The following CPLANE1 variants were observed in gnomAD, a reference collection of about 807,000 sequenced individuals.
CPLANE1 encodes the protein ciliogenesis and planar polarity effector 1.
Under a neutral mutation model 362.5 loss-of-function variants are expected in CPLANE1, and 263 were observed. The ratio of observed to expected loss-of-function variants is 0.73; its 90% CI spans 0.66 to 0.80. CPLANE1 has a LOEUF of 0.80. CPLANE1 is among the 30% of genes least tolerant of loss of function. The pLI, the probability that CPLANE1 is intolerant of heterozygous loss-of-function variation, is 0.00. For synonymous variants in CPLANE1, 1,212 were observed against 1,302.6 expected (o/e 0.93, Z 1.50); for missense variants, 3,461 against 3,793.4 (o/e 0.91, Z 2.30).
intron 8 of CPLANE1, among the ~76,000 whole-genome samples, chr5:37,235,513 C>T (rs976886221): frequency 2.7e-5 from 4 of 149,958 alleles, no homozygotes; most frequent in African/African-American, 4.9e-5. Context: ...TCCTAAAACT[C>T]GTATGGAACC....
intron 16 of CPLANE1, chr5:37,211,908 G>C (rs571860209): frequency 1.3e-6 from 1 of 791,244 alleles, no homozygotes; most frequent in African/African-American, 1.7e-5. Context: ...TCCTGCCGGG[G>C]ATATGCTTCA....
In CPLANE1 at chr5:37,201,735, G is replaced by A. The variant is rs551925061; in HGVS notation, c.3363C>T (p.Ala1121=). The A allele has an allele frequency of 3.8e-5, 62 of 1,613,874 alleles. 1 individual carries two copies. Among genetic ancestry groups the A allele is most frequent in the Non-Finnish European group, 4.8e-5 (57 of 1,179,846 alleles). ...ATGTCTCCGAAAGAATATCTGCATCGGCCATAACTGATGCTTTCAGTACTT... is the reference window on the plus strand; with the variant it reads ...ATGTCTCCGAAAGAATATCTGCATCAGCCATAACTGATGCTTTCAGTACTT... ...VQEVLKASVM[A]DADILSETFQ... The change falls in exon 19 of 53, where the codon GCC becomes GCT. Residue 1121 remains alanine, a synonymous_variant. Transcript: ENST00000651892.
rs566190241 is a variant in CPLANE1, at chr5:37,201,717, C to T, written c.3381G>A (p.Ser1127=). ...AGTCTATCAGAAGTTGAAATGTCTC[C>T]GAAAGAATATCTGCATCGGCCATAA... ...ASVMADADIL[S]ETFQLLIDSA... Residue 1127 remains serine (S), a synonymous_variant, in exon 19 of 53, where the codon TCG becomes TCA. Coordinates refer to ENST00000651892, the MANE Select transcript of CPLANE1 (RefSeq NM_001384732.1). 1.2e-5 allele frequency: 20 copies of T among 1,614,010 alleles called. No homozygotes were observed. Among genetic ancestry groups the T allele is most frequent in the South Asian group, 1.1e-4 (10 of 91,080 alleles).
chr5:37,128,149 G>A (rs1257087681), intron 46 of CPLANE1, among the ~76,000 whole-genome samples: 1 of 152,046 alleles, frequency 6.6e-6, no homozygotes, highest in Non-Finnish European at 1.5e-5. Flanking sequence ...AATTTTTTTT[G>A]AGATTGGGTT....
intron 46 of CPLANE1, among the ~76,000 whole-genome samples, chr5:37,128,151 G>A (rs1289242388): frequency 3.9e-5 from 6 of 152,134 alleles, no homozygotes; most frequent in Non-Finnish European, 8.8e-5. Context: ...TTTTTTTTGA[G>A]ATTGGGTTAT....
Position 37,107,254 on chromosome 5 carries a change from A to C in CPLANE1, c.*348T>G. On this transcript the variant is annotated 3_prime_UTR_variant, in exon 53 of 53. Transcript: ENST00000651892. ...ATTCATCTGTATATGGTTGTTTCTC[A>C]AAACTCAGAGGGTAATAAAGGAGGA... 1 of 1,022,302 alleles carries C rather than the reference A, an allele frequency of 9.8e-7. No individual in the cohort carries two copies. The highest frequency in any genetic ancestry group is 1.2e-6 in the Non-Finnish European group (1 of 854,900). 63.3% of individuals were successfully genotyped at this position (1,022,302 alleles called of 1,614,324 possible).
chr5:37,078,446 G>T, the CPLANE1 span, among the ~76,000 whole-genome samples: 1 of 152,136 alleles, frequency 6.6e-6, no homozygotes, highest in Admixed American at 6.6e-5. Flanking sequence ...TATTTGTCCA[G>T]TCTATGATGG....
chr5:37,097,604 G>A, the CPLANE1 span, among the ~76,000 whole-genome samples: 5 of 152,330 alleles, frequency 3.3e-5, no homozygotes, highest in East Asian at 7.7e-4. Context: ...GCAGAGAGAA[G>A]TGCCTAGTCA....
At position 37,227,280 on chromosome 5, in the gene CPLANE1, G is replaced by A; in HGVS notation, c.1484C>T (p.Ala495Val). 1.9e-6 allele frequency: 3 copies of A among 1,551,946 alleles called. No homozygotes were observed. Among genetic ancestry groups the A allele is most frequent in the Non-Finnish European group, 2.6e-6 (3 of 1,146,986 alleles). Residue 495 changes from alanine to valine, a missense_variant, in exon 11 of 53, where the codon GCA becomes GTA. Coordinates refer to ENST00000651892, the MANE Select transcript of CPLANE1 (RefSeq NM_001384732.1). ...TGCATTTTCATTTATTGTTTCTTCT[G>A]CCTGCAAGAATTTGGGGACAGTGAA... ...ADFTVPKFLQ[A>V]EETINENAAD...
intron 48 of CPLANE1, 85 bp downstream of exon 48, chr5:37,122,345 T>G: frequency 9.6e-7 from 1 of 1,046,840 alleles, no homozygotes. Context: ...GAGACTATTG[T>G]GAAAACAGAA....
intron 21 of CPLANE1, among the ~76,000 whole-genome samples, chr5:37,190,283 C>T (rs1225562267): frequency 1.3e-5 from 2 of 151,736 alleles, no homozygotes; most frequent in African/African-American, 2.4e-5. Flanking sequence ...TTAAGATGGA[C>T]TTATAGGCCA....
At chr5:37,121,535 A>C (rs1762623867) in intron 49 of CPLANE1, 82 bp downstream of exon 49, 1 of 1,297,760 alleles carries the variant, frequency 7.7e-7, no homozygotes, top group African/African-American at 1.5e-5. Context: ...AAATGCACTG[A>C]ACTTAGGTCA....
downstream of CPLANE1, among the ~76,000 whole-genome samples, chr5:37,105,474 A>C (rs1280444109): frequency 1.3e-5 from 2 of 152,254 alleles, no homozygotes; most frequent in Non-Finnish European, 2.9e-5. Flanking sequence ...TGTCTATTGC[A>C]GAAGAATGAA....
intron 50 of CPLANE1, among the ~76,000 whole-genome samples, chr5:37,118,032 A>T (rs1761537523): frequency 6.6e-6 from 1 of 152,208 alleles, no homozygotes; most frequent in Non-Finnish European, 1.5e-5. Context: ...TTATATAAGC[A>T]TGTTTCACTA....
chr5:37,183,372 A>G lies in CPLANE1; in HGVS notation c.4809T>C (p.His1603=). The G allele has an allele frequency of 2.5e-6, 4 of 1,612,764 alleles. No homozygotes were observed. In the Middle Eastern group the frequency reaches 6.6e-4, roughly 267 times the overall value. ...LFDVHTTLKR[H]QSKTKSQNVF... ...CATTCTGGCTTTTAGTTTTGCTCTG[A>G]TGTCGTTTTAATGTTGTATGTACAT... The change falls in exon 26 of 53, where the codon CAT becomes CAC. Residue 1603 remains histidine (H), a synonymous_variant. Coordinates refer to ENST00000651892, the MANE Select transcript of CPLANE1 (RefSeq NM_001384732.1).
At chr5:37,181,039 T>C in intron 26 of CPLANE1, 34 bp from the exon 27 acceptor site, 2 of 1,548,240 alleles carry the variant, frequency 1.3e-6, no homozygotes, top group Non-Finnish European at 1.8e-6. Flanking sequence ...TTAGTATTTA[T>C]TGAACCCTTT....
intron 50 of CPLANE1, among the ~76,000 whole-genome samples, chr5:37,116,505 A>G (rs1416548347): frequency 6.7e-6 from 1 of 149,024 alleles, no homozygotes; most frequent in Non-Finnish European, 1.5e-5. Context: ...AAAAAAAAAA[A>G]AAAAAAAAAA....
At chr5:37,140,787 C>T (rs575998502) in intron 44 of CPLANE1, 2 of 985,338 alleles carry the variant, frequency 2.0e-6, no homozygotes, top group African/African-American at 3.5e-5. Flanking sequence ...GGATCACTAA[C>T]CCACGGCCAC....
chr5:37,211,273 A>G (rs1045995330), intron 16 of CPLANE1: 3 of 1,513,122 alleles, frequency 2.0e-6, no homozygotes, highest in Non-Finnish European at 2.7e-6. Flanking sequence ...AGGGTCAAAC[A>G]GCTTCAGCAA....
Sources: allele counts gnomAD v4.1 joint callset (sites outside exome capture counted in the v4.1 genomes callset), GRCh38; gene constraint gnomAD v4.1.1; transcripts MANE v1.5; gene names NCBI Gene and HGNC (gene_info 2026-07-23, HGNC 2026-07-21).